Variants in ADGRG4 observed in about 807,000 individuals in gnomAD.
The protein encoded by ADGRG4 is G protein-coupled receptor 112.
In ADGRG4, 122 loss-of-function variants were observed where a neutral mutation model predicts 126.2. That is an observed-to-expected ratio of 0.97 (90% CI 0.83 to 1.12). ADGRG4 has a LOEUF of 1.12. Among genes scored for constraint, ADGRG4 ranks in the 50% most tolerant of loss-of-function variants. ADGRG4 has a pLI of 0.00. For synonymous variants in ADGRG4, 943 were observed against 838.7 expected (o/e 1.12, Z -2.15); for missense variants, 2,481 against 2,251.8 (o/e 1.10, Z -2.06).
At chrX:136,305,743 A>G (rs2074729378) in intron 3 of ADGRG4, among the ~76,000 whole-genome samples, 1 of 112,200 alleles carries the variant, frequency 8.9e-6, no homozygotes, top group African/African-American at 3.2e-5. Context: ...TTCTTAGTAA[A>G]GTGAAATGAG....
Position 136,306,714 on chromosome X carries a change from C to CTTT in ADGRG4, c.-10+1706_-10+1708dup, listed in dbSNP as rs57109734. 7.5e-3 allele frequency among the ~76,000 whole-genome samples: 738 copies of CTTT among 97,844 alleles called. 8 individuals carry two copies. The highest frequency in any genetic ancestry group is 0.027 in the African/African-American group (708 of 26,647). The allele number at this position is 97,844 out of a possible 115,157, so 85.0% of individuals were successfully genotyped here. ...CCTTATATATAGACTTACCTTATTC[C>CTTT]TTTTTTTTTTTTTTTTTGGAGACAG... On this transcript the variant is annotated intron_variant, in intron 3 of 25. Coordinates refer to ENST00000394143, the MANE Select transcript of ADGRG4 (RefSeq NM_153834.4).
rs73637918 is a variant in ADGRG4 at position 136,387,506 on chromosome X, T to C, written c.7777-234T>C. On this transcript the variant is annotated intron_variant, in intron 15 of 25. Coordinates refer to ENST00000394143, the MANE Select transcript of ADGRG4 (RefSeq NM_153834.4). ...AAGGGAGAGAACCTCAGGAATAGGC[T>C]TAGAAAGGAAAAGATGATGTGTGTT... Among the ~76,000 whole-genome samples the C allele has an allele frequency of 6.6e-3, 734 of 111,580 alleles. 8 individuals carry two copies. Among genetic ancestry groups the C allele is most frequent in the African/African-American group, 0.023 (701 of 30,686 alleles).
chrX:136,303,006 T>G (rs2074711769), intron 1 of ADGRG4, among the ~76,000 whole-genome samples: 1 of 111,494 alleles, frequency 9.0e-6, no homozygotes, highest in Non-Finnish European at 1.9e-5. Flanking sequence ...TCTCTTGTGG[T>G]ATGGCCCCTT....
intron 15 of ADGRG4, among the ~76,000 whole-genome samples, chrX:136,383,862 CT>C (rs1384461792): frequency 2.4e-3 from 123 of 52,148 alleles, no homozygotes; most frequent in Non-Finnish European, 3.1e-3. Flanking sequence ...TTCTTTCTTT[CT>C]TTCTTTCTTT....
At chrX:136,399,535 C>T (rs2075368527) in intron 20 of ADGRG4, among the ~76,000 whole-genome samples, 1 of 110,110 alleles carries the variant, frequency 9.1e-6, no homozygotes, top group Admixed American at 9.7e-5. Context: ...TATGTAGCTC[C>T]AGCCTGCTGA....
intron 23 of ADGRG4, among the ~76,000 whole-genome samples, chrX:136,410,431 A>G (rs2075439602): frequency 9.0e-6 from 1 of 111,628 alleles, no homozygotes; most frequent in African/African-American, 3.3e-5. Flanking sequence ...CTCAGTCAAG[A>G]TTCTTTACTT....
At position 136,400,105 on chromosome X, in the gene ADGRG4, T is replaced by C; in HGVS notation, c.8564T>C (p.Leu2855Pro). The change falls in exon 21 of 26, where the codon CTA (leucine) becomes CCA (proline). Residue 2855 changes from leucine (L) to proline (P), a missense_variant. Coordinates refer to ENST00000394143, the MANE Select transcript of ADGRG4 (RefSeq NM_153834.4). ...YIPNYILKFC[L>P]VGWGIPAIMV... ...CCAAATTATATCCTTAAATTTTGTC[T>C]AGTTGGTTGGGGTAAGTATATCTGC... is the stretch of plus-strand genomic sequence containing the variant. The C allele has an allele frequency of 8.4e-7, 1 of 1,195,113 alleles. No individual in the cohort carries two copies. Among genetic ancestry groups the C allele is most frequent in the Middle Eastern group, 2.3e-4 (1 of 4,297 alleles).
At chrX:136,373,325 C>A (rs1397746499) in intron 15 of ADGRG4, among the ~76,000 whole-genome samples, 5 of 111,763 alleles carry the variant, frequency 4.5e-5, no homozygotes, top group African/African-American at 1.6e-4. Context: ...TTATTGGCCA[C>A]CATTTAAGGA....
chrX:136,396,513 G>A (rs1221616504), intron 19 of ADGRG4, among the ~76,000 whole-genome samples: 1 of 100,310 alleles, frequency 1.0e-5, no homozygotes, highest in Non-Finnish European at 2.0e-5. Context: ...AGAATCACCT[G>A]AGTCCAGGGA....
intron 4 of ADGRG4, among the ~76,000 whole-genome samples, chrX:136,322,225 C>G (rs897314408): frequency 2.8e-4 from 31 of 111,722 alleles, no homozygotes; most frequent in Non-Finnish European, 4.9e-4. Flanking sequence ...CAGTATCGCC[C>G]AGCTGGTCAT....
chrX:136,349,436 G>A lies in ADGRG4; in HGVS notation c.5730G>A (p.Glu1910=). Reference sequence around the variant, plus strand: ...CTACATCCAATGAGATGGAAACAGAGACTCTACACCTTGTTCCTGGGCCTT... The same window carrying A: ...CTACATCCAATGAGATGGAAACAGAAACTCTACACCTTGTTCCTGGGCCTT... The part of the protein sequence containing the change: ...NVPTSNEMET[E]TLHLVPGPLS... Residue 1910 remains glutamate, a synonymous_variant, in exon 6 of 26, where the codon GAG becomes GAA. Transcript: ENST00000394143. 4 of 1,207,152 alleles carry A rather than the reference G, an allele frequency of 3.3e-6. No homozygotes were observed. The highest frequency in any genetic ancestry group is 3.5e-5 in the African/African-American group (2 of 57,601).
In ADGRG4 at chrX:136,350,337, C is replaced by A. The variant is rs778659494; in HGVS notation, c.6631C>A (p.Pro2211Thr). The A allele has an allele frequency of 8.3e-7, 1 of 1,209,866 alleles. No individual in the cohort carries two copies. Among genetic ancestry groups the A allele is most frequent in the Admixed American group, 2.2e-5 (1 of 45,941 alleles). ...TCCTTTTACAGCAACTGTGTCTTCA[C>A]CAATATCGTCCTTTTTTGAAACAAC... ...TYPFTATVSS[P>T]ISSFFETTWL... Residue 2211 changes from proline to threonine, a missense_variant, in exon 6 of 26, where the codon CCA (proline) becomes ACA (threonine). Pro to Thr is a conservative substitution (Grantham distance 38). Transcript: ENST00000394143.
chrX:136,306,185 C>T (rs2074732252), intron 3 of ADGRG4: 1 of 110,645 alleles, frequency 9.0e-6, no homozygotes, highest in South Asian at 3.9e-4. Flanking sequence ...TTCCTCCCTT[C>T]CTCCTTCCCT....
At chrX:136,330,484 A>G (rs1426087174) in intron 5 of ADGRG4, among the ~76,000 whole-genome samples, 1 of 107,030 alleles carries the variant, frequency 9.3e-6, no homozygotes, top group Non-Finnish European at 1.9e-5. Flanking sequence ...GTAGTATTCC[A>G]TGGTATGGAT....
chrX:136,368,701 G>A (rs1038839811), intron 13 of ADGRG4, among the ~76,000 whole-genome samples: 1 of 112,421 alleles, frequency 8.9e-6, no homozygotes, highest in Non-Finnish European at 1.9e-5. Context: ...GGTAAAAGAT[G>A]CATGCACAGA....
Position 136,345,531 on chromosome X carries a change from A to G in ADGRG4, c.1825A>G (p.Thr609Ala). The change falls in exon 6 of 26, where the codon ACC becomes GCC. Residue 609 changes from threonine (T) to alanine (A), a missense_variant. Thr to Ala is a moderately conservative substitution (Grantham distance 58). Coordinates refer to ENST00000394143, the MANE Select transcript of ADGRG4 (RefSeq NM_153834.4). ...LSSTITGRVY[T>A]QNTPTADGHL... is the part of the protein sequence containing the mutation. ...CTCCACAATCACAGGACGAGTTTAC[A>G]CCCAGAATACACCTACAGCTGATGG... 1.7e-6 allele frequency: 2 copies of G among 1,209,728 alleles called. No individual in the cohort carries two copies. Among genetic ancestry groups the G allele is most frequent in the Non-Finnish European group, 2.2e-6 (2 of 894,084 alleles).
Position 136,344,583 on chromosome X carries a change from C to T in ADGRG4, c.877C>T (p.Pro293Ser), listed in dbSNP as rs1191867901. Residue 293 changes from proline (P) to serine (S), a missense_variant, in exon 6 of 26, where the codon CCT (proline) becomes TCT (serine). Coordinates refer to ENST00000394143, the MANE Select transcript of ADGRG4 (RefSeq NM_153834.4). The part of the protein sequence containing the change: ...TISYSNTTSP[P>S]LETMTAQKIL... Reference sequence around the variant, plus strand: ...ATCATATTCCAATACAACATCTCCACCTCTGGAAACAATGACTGCACAAAA... The same window carrying T: ...ATCATATTCCAATACAACATCTCCATCTCTGGAAACAATGACTGCACAAAA... 8.3e-7 allele frequency: 1 copy of T among 1,201,936 alleles called. No homozygotes were observed. Among genetic ancestry groups the T allele is most frequent in the Non-Finnish European group, 1.1e-6 (1 of 888,532 alleles).
rs749683474 is a variant in ADGRG4, at chrX:136,373,010, G to A, written c.7722G>A (p.Thr2574=). 7.4e-6 allele frequency: 9 copies of A among 1,209,101 alleles called. No homozygotes were observed. Among genetic ancestry groups the A allele is most frequent in the East Asian group, 3.0e-5 (1 of 33,757 alleles). ...TGGCTGTGCTGCGGGGGGACCACAC[G>A]TTTGATGGCATGGCTTTCAGCATTC... ...LALAVLRGDH[T]FDGMAFSIHS... Residue 2574 remains threonine, a synonymous_variant, in exon 15 of 26, where the codon ACG becomes ACA. Transcript: ENST00000394143.
chrX:136,307,168 A>G (rs1225733555), intron 3 of ADGRG4, among the ~76,000 whole-genome samples: 2 of 112,698 alleles, frequency 1.8e-5, no homozygotes, highest in Non-Finnish European at 3.7e-5. Context: ...CTTGCTGCTG[A>G]AAATCCCATT....
Sources: allele counts gnomAD v4.1 joint callset (sites outside exome capture counted in the v4.1 genomes callset), GRCh38; gene constraint gnomAD v4.1.1; transcripts MANE v1.5; gene names NCBI Gene and HGNC (gene_info 2026-07-23, HGNC 2026-07-21).